The following CFI variants were observed in gnomAD, a reference collection of about 807,000 sequenced individuals.
CFI encodes complement factor I.
A neutral mutation model predicts 78.8 loss-of-function variants in CFI; 66 were observed. That is an observed-to-expected ratio of 0.84 (90% CI 0.69 to 1.03). The LOEUF is 1.03. Ranked by LOEUF, CFI falls within the 50% of genes least tolerant of loss-of-function variation. The pLI is 0.00. For missense variants in CFI, 706 were observed against 704.5 expected, an observed-to-expected ratio of 1.00 and a Z score of -0.02; for synonymous variants, 250 against 232.6, an observed-to-expected ratio of 1.07 and a Z score of -0.68.
intron 1 of CFI, among the ~76,000 whole-genome samples, chr4:109,775,561 C>T (rs1254344496): frequency 2.0e-5 from 3 of 152,230 alleles, no homozygotes; most frequent in Admixed American, 2.0e-4. Context: ...CTGTAGACTC[C>T]ACCTCTGGGG....
At chr4:109,800,477 G>A (rs1031328735) in intron 1 of CFI, among the ~76,000 whole-genome samples, 6 of 151,460 alleles carry the variant, frequency 4.0e-5, no homozygotes, top group African/African-American at 4.9e-5. Flanking sequence ...GATTACATGC[G>A]TGAACCCCCA....
At chr4:109,762,577 A>T (rs1377416028) in intron 3 of CFI, 2 of 152,186 alleles carry the variant, frequency 1.3e-5, no homozygotes, top group African/African-American at 2.4e-5. Context: ...TTGAGCAAAG[A>T]TGCATCAGGT....
intron 12 of CFI, chr4:109,741,835 C>T (rs1419266088): frequency 6.5e-6 from 1 of 154,988 alleles, no homozygotes; most frequent in East Asian, 1.9e-4. Flanking sequence ...TTCAATAAAG[C>T]ACCTAAATGC....
chr4:109,769,717 C>A (rs538262804), intron 1 of CFI, among the ~76,000 whole-genome samples: 1 of 152,296 alleles, frequency 6.6e-6, no homozygotes, highest in Admixed American at 6.5e-5. Context: ...ACAGTACTAG[C>A]CCGTTTCTGC....
At chr4:109,753,532 A>T (rs190999020) in intron 7 of CFI, among the ~76,000 whole-genome samples, 308 of 2,972 alleles carry the variant, frequency 0.1, 40 homozygotes, top group African/African-American at 0.12. Context: ...ATTTATAATA[A>T]ATATTTATAA....
Position 109,766,842 on chromosome 4 carries a change from A to G in CFI, c.58-18T>C, listed in dbSNP as rs908879328. 1 of 1,613,622 alleles carries G rather than the reference A, an allele frequency of 6.2e-7. No homozygotes were observed. The highest frequency in any genetic ancestry group is 1.7e-5 in the Admixed American group (1 of 60,004). Reference sequence around the variant, plus strand: ...TAAGTGACCTGTAAAATGCAAAATAAACATTAACTTAGCAACAAATTAAAG... The same window carrying G: ...TAAGTGACCTGTAAAATGCAAAATAGACATTAACTTAGCAACAAATTAAAG... On this transcript the variant is annotated intron_variant, in intron 1 of 12. Transcript: ENST00000394634.
chr4:109,756,294 T>A (rs2126206196), intron 7 of CFI, among the ~76,000 whole-genome samples: 1 of 102,228 alleles, frequency 9.8e-6, no homozygotes, highest in African/African-American at 4.0e-5. Context: ...GATCTGAAAC[T>A]AGGGAGGGAG....
rs1324695990 is a variant in CFI, at chr4:109,756,888, G to GGAAAGAAGAAAGAAAGAAA, written c.904+874_904+875insTTTCTTTCTTTCTTCTTTC. ...CTCCGTCTCGAAAGAAAGAAAGAAA[G>GGAAAGAAGAAAGAAAGAAA]GAAAGAAAGAAAGAAAGAAAGAAAG... On this transcript the variant is annotated intron_variant, in intron 7 of 12. Coordinates refer to ENST00000394634, the MANE Select transcript of CFI (RefSeq NM_000204.5). Among the ~76,000 whole-genome samples, 158 of 57,898 alleles carry GGAAAGAAGAAAGAAAGAAA rather than the reference G, an allele frequency of 2.7e-3. 6 individuals are homozygous for GGAAAGAAGAAAGAAAGAAA. Among genetic ancestry groups the GGAAAGAAGAAAGAAAGAAA allele is most frequent in the African/African-American group, 0.011 (144 of 13,340 alleles). 38.0% of individuals were successfully genotyped at this position (57,898 alleles called of 152,430 possible).
At chr4:109,785,295 T>TA (rs1217894277) in intron 1 of CFI, among the ~76,000 whole-genome samples, 3 of 152,084 alleles carry the variant, frequency 2.0e-5, no homozygotes, top group Non-Finnish European at 4.4e-5. Flanking sequence ...TAAAATAAAG[T>TA]GAAAAATTTT....
intron 10 of CFI, among the ~76,000 whole-genome samples, chr4:109,747,499 C>T (rs1475313858): frequency 1.3e-5 from 2 of 152,166 alleles, no homozygotes; most frequent in African/African-American, 4.8e-5. Flanking sequence ...AATCAGGCAT[C>T]TACCATCATC....
chr4:109,738,964 A>G (rs556636074), downstream of CFI, among the ~76,000 whole-genome samples: 1 of 152,284 alleles, frequency 6.6e-6, no homozygotes, highest in East Asian at 1.9e-4. Context: ...ATAGATATGA[A>G]GTTTCAATTT....
chr4:109,791,004 G>T (rs1034061846), intron 1 of CFI, among the ~76,000 whole-genome samples: 2 of 152,132 alleles, frequency 1.3e-5, no homozygotes, highest in Non-Finnish European at 2.9e-5. Context: ...TCTCTTTTTA[G>T]GTCTTTGTGG....
At chr4:109,769,540 T>C (rs1171006471) in intron 1 of CFI, among the ~76,000 whole-genome samples, 1 of 152,166 alleles carries the variant, frequency 6.6e-6, no homozygotes, top group African/African-American at 2.4e-5. Context: ...GGCTGAGAAC[T>C]AGCCTTGGCA....
At chr4:109,764,753 AG>A in intron 2 of CFI, 63 bp from the exon 3 acceptor site, 2 of 1,455,200 alleles carry the variant, frequency 1.4e-6, no homozygotes, top group South Asian at 2.4e-5. Context: ...CTTAATTAAA[AG>A]TCTTTAAAAA....
rs1727528916 is a variant in CFI at position 109,764,783 on chromosome 4, C to T, written c.329-93G>A. 5.1e-6 allele frequency: 6 copies of T among 1,168,934 alleles called. No homozygotes were observed. The East Asian group carries it at 1.3e-4, about 25-fold the overall frequency. The allele number at this position is 1,168,934 out of a possible 1,614,324, so 72.4% of individuals were successfully genotyped here. A position where few individuals can be genotyped will look rare whatever the true frequency, so the allele number is the denominator to read the frequency against. On this transcript the variant is annotated intron_variant, in intron 2 of 12. Coordinates refer to ENST00000394634, the MANE Select transcript of CFI (RefSeq NM_000204.5). ...TTAAAAATAATAATGTACTTAATGTCAAGTGAGCTTTGAACATCATGACGA... is the reference window on the plus strand; with the variant it reads ...TTAAAAATAATAATGTACTTAATGTTAAGTGAGCTTTGAACATCATGACGA...
intron 1 of CFI, among the ~76,000 whole-genome samples, chr4:109,779,261 A>G (rs1196356341): frequency 6.6e-6 from 1 of 152,214 alleles, no homozygotes; most frequent in Non-Finnish European, 1.5e-5. Context: ...AATCTCCTTA[A>G]GCTGATAAGC....
At chr4:109,791,519 C>T (rs1346077427) in intron 1 of CFI, among the ~76,000 whole-genome samples, 1 of 152,118 alleles carries the variant, frequency 6.6e-6, no homozygotes, top group Admixed American at 6.5e-5. Flanking sequence ...TTTGCTCATT[C>T]CTATGTCCAG....
chr4:109,753,513 TA>T lies in CFI; in HGVS notation c.905-1011del, dbSNP rs1397181533. Among the ~76,000 whole-genome samples the T allele has an allele frequency of 6.4e-4, 20 of 31,310 alleles. 4 individuals are homozygous for T. Among genetic ancestry groups the T allele is most frequent in the African/African-American group, 1.9e-3 (19 of 9,826 alleles). The allele number at this position is 31,310 out of a possible 152,430, so 20.5% of individuals were successfully genotyped here. On this transcript the variant is annotated intron_variant, in intron 7 of 12. Transcript: ENST00000394634. ...AAATATTTATAATATATTTATTATA[TA>T]AATAAATATTTATAATAAATATTTA...
intron 1 of CFI, among the ~76,000 whole-genome samples, chr4:109,783,277 C>T (rs910454198): frequency 7.9e-5 from 12 of 152,180 alleles, no homozygotes; most frequent in Admixed American, 3.3e-4. Flanking sequence ...ACAATCTTTA[C>T]ATCTGAAAAA....
Sources: gnomAD v4.1 joint callset for allele counts (sites outside exome capture counted in the v4.1 genomes callset) on GRCh38, gnomAD v4.1.1 for gene constraint, MANE v1.5 for transcripts, NCBI Gene and HGNC (gene_info 2026-07-23, HGNC 2026-07-21) for gene names.